SVEP1: variants seen among roughly 807,000 people sequenced by gnomAD.
The protein encoded by SVEP1 is sushi, von Willebrand factor type A, EGF and pentraxin domain containing 1.
In SVEP1, 164 loss-of-function variants were observed where a neutral mutation model predicts 367.3. The ratio of observed to expected loss-of-function variants is 0.45; its 90% CI spans 0.39 to 0.51. The LOEUF (loss-of-function observed/expected upper bound fraction) is 0.51. Ranked by LOEUF, SVEP1 falls within the 20% of genes least tolerant of loss-of-function variation. SVEP1 has a pLI of 0.00. For synonymous variants in SVEP1, 1,666 were observed against 1,611.6 expected (o/e 1.03, Z -0.81); for missense variants, 4,117 against 4,425.3 (o/e 0.93, Z 1.98).
chr9:110,400,011 G>A (rs1827831968), intron 40 of SVEP1, among the ~76,000 whole-genome samples: 1 of 152,164 alleles, frequency 6.6e-6, no homozygotes, highest in Non-Finnish European at 1.5e-5. Context: ...CAGAGACCTA[G>A]GTGCTGCGGA....
Position 110,513,821 on chromosome 9 carries a change from CA to C in SVEP1, c.1123+126del, listed in dbSNP as rs1453522164. ...ATAAAAGCAAATCATCCCACTCCCCCAAAAAATATGATTAGAGAAAAGAACA... is the reference window on the plus strand; with the variant it reads ...ATAAAAGCAAATCATCCCACTCCCCCAAAAATATGATTAGAGAAAAGAACA... On this transcript the variant is annotated intron_variant, in intron 4 of 47. Transcript: ENST00000374469. 1.5e-5 allele frequency: 18 copies of C among 1,169,776 alleles called. No homozygotes were observed. The African/African-American group carries it at 1.6e-4, about 10-fold the overall frequency. 72.5% of individuals were successfully genotyped at this position (1,169,776 alleles called of 1,614,324 possible).
rs564080859 is a variant in SVEP1 at position 110,483,641 on chromosome 9, G to A, written c.1983C>T (p.Val661=). The part of the protein sequence containing the change: ...DWCRSPPPVQ[V]SEKVHAASWD... ...AGCTTGCGGCATGTACCTTCTCCGAGACCTGGACGGGAGGTGGAGATCTGC... is the reference window on the plus strand; with the variant it reads ...AGCTTGCGGCATGTACCTTCTCCGAAACCTGGACGGGAGGTGGAGATCTGC... The change falls in exon 10 of 48, where the codon GTC becomes GTT. Residue 661 remains valine (V), a synonymous_variant. Transcript: ENST00000374469. The A allele has an allele frequency of 1.7e-5, 28 of 1,611,852 alleles. No homozygotes were observed. The highest frequency in any genetic ancestry group is 2.4e-5 in the Non-Finnish European group (28 of 1,178,922).
chr9:110,453,616 C>A (rs1362997759), intron 22 of SVEP1, among the ~76,000 whole-genome samples: 1 of 151,876 alleles, frequency 6.6e-6, no homozygotes, highest in Admixed American at 6.6e-5. Flanking sequence ...GCCTGTAATC[C>A]CAGCACTTTG....
intron 1 of SVEP1, among the ~76,000 whole-genome samples, chr9:110,554,827 C>T (rs976233742): frequency 4.6e-5 from 7 of 151,676 alleles, no homozygotes; most frequent in African/African-American, 1.7e-4. Context: ...ATACTTGGAA[C>T]AAAGTGAAAT....
intron 2 of SVEP1, among the ~76,000 whole-genome samples, chr9:110,548,348 T>C (rs1185026326): frequency 6.6e-6 from 1 of 152,162 alleles, no homozygotes; most frequent in Non-Finnish European, 1.5e-5. Context: ...ATAATGATAA[T>C]TTGTTAATAA....
intron 13 of SVEP1, among the ~76,000 whole-genome samples, chr9:110,479,352 A>T (rs115435355): frequency 6.6e-6 from 1 of 152,112 alleles, no homozygotes; most frequent in East Asian, 1.9e-4. Flanking sequence ...AATGTTTGGC[A>T]TTTTTGTCAA....
chr9:110,571,468 C>T (rs572794405), intron 1 of SVEP1, among the ~76,000 whole-genome samples: 59 of 152,256 alleles, frequency 3.9e-4, no homozygotes, highest in South Asian at 1.7e-3. Flanking sequence ...GTAGGAGCTC[C>T]AGTAGCCAAC....
At chr9:110,428,116 C>T (rs191278181) in intron 35 of SVEP1, among the ~76,000 whole-genome samples, 1 of 152,134 alleles carries the variant, frequency 6.6e-6, no homozygotes, top group Non-Finnish European at 1.5e-5. Context: ...GAAAGACACT[C>T]ACCTAAGTAG....
rs556890570 is a variant in SVEP1, at chr9:110,428,898, C to T, written c.5807+245G>A. ...CTAGTCTGGACAAAATGGCGAAACC[C>T]ACATCTGTACAAAATACAAAAATTA... On this transcript the variant is annotated intron_variant, in intron 35 of 47. Transcript: ENST00000374469. 1.9e-4 allele frequency among the ~76,000 whole-genome samples: 29 copies of T among 152,190 alleles called. No homozygotes were observed. The South Asian group carries it at 5.0e-3, about 26-fold the overall frequency.
At chr9:110,403,369 ATCTCGGTTCAC>A (rs893959988) in intron 39 of SVEP1, among the ~76,000 whole-genome samples, 2 of 129,844 alleles carry the variant, frequency 1.5e-5, no homozygotes, top group African/African-American at 6.1e-5. Flanking sequence ...CAGTGGCGCA[ATCTCGGTTCAC>A]TGCAACCTCC....
At chr9:110,482,061 G>A (rs927290652) in intron 11 of SVEP1, among the ~76,000 whole-genome samples, 1 of 152,100 alleles carries the variant, frequency 6.6e-6, no homozygotes, top group African/African-American at 2.4e-5. Flanking sequence ...ATAACATTGT[G>A]CAGCAAATAT....
intron 23 of SVEP1, 59 bp downstream of exon 23, chr9:110,451,230 C>G: frequency 2.2e-6 from 3 of 1,334,156 alleles, no homozygotes; most frequent in Non-Finnish European, 3.2e-6. Flanking sequence ...AAGAAATGTA[C>G]TAATTTGTGG....
intron 8 of SVEP1, among the ~76,000 whole-genome samples, chr9:110,494,778 A>G (rs1372641646): frequency 8.5e-6 from 1 of 118,260 alleles, no homozygotes; most frequent in African/African-American, 3.1e-5. Flanking sequence ...AATTGTCTAA[A>G]CTGCCTTCTC....
At position 110,450,178 on chromosome 9, in the gene SVEP1, T is replaced by G. The variant is rs1421381085; in HGVS notation, c.3984A>C (p.Gly1328=). The G allele has an allele frequency of 6.2e-7, 1 of 1,613,830 alleles. No individual in the cohort carries two copies. Among genetic ancestry groups the G allele is most frequent in the Admixed American group, 1.7e-5 (1 of 60,000 alleles). Residue 1328 remains glycine (G), a synonymous_variant, in exon 24 of 48, where the codon GGA becomes GGC. Transcript: ENST00000374469. The part of the protein sequence containing the change: ...NNAVCEDQVG[G]FLCKCPPGFL... ...ATCCAGGTGGGCATTTGCACAAGAA[T>G]CCCCCAACCTGGTCTTCACAGACTG... is the stretch of plus-strand genomic sequence containing the variant.
chr9:110,507,580 C>A (rs72748888), intron 5 of SVEP1, among the ~76,000 whole-genome samples: 2,592 of 152,226 alleles, frequency 0.017, 36 homozygotes, highest in Non-Finnish European at 0.029. Context: ...ATGGCTTGGA[C>A]CAAAGTCAAG....
chr9:110,436,313 G>T, intron 28 of SVEP1, 67 bp downstream of exon 28: 1 of 1,588,922 alleles, frequency 6.3e-7, no homozygotes. Flanking sequence ...TCATTAGGCT[G>T]TTCACATTTT....
At chr9:110,526,765 C>T (rs1293147464) in intron 3 of SVEP1, among the ~76,000 whole-genome samples, 1 of 152,018 alleles carries the variant, frequency 6.6e-6, no homozygotes, top group African/African-American at 2.4e-5. Context: ...AAGCCAAAAC[C>T]TGGAAACAAT....
Position 110,447,068 on chromosome 9 carries a change from A to G in SVEP1, c.4104-11T>C. 1 of 1,473,602 alleles carries G rather than the reference A, an allele frequency of 6.8e-7. No individual in the cohort carries two copies. Among genetic ancestry groups the G allele is most frequent in the South Asian group, 1.4e-5 (1 of 69,570 alleles). The allele number at this position is 1,473,602 out of a possible 1,614,324, so 91.3% of individuals were successfully genotyped here. A position where few individuals can be genotyped will look rare whatever the true frequency, so the allele number is the denominator to read the frequency against. The stretch of plus-strand genomic sequence containing the variant: ...GCTGCACACAGGCATCTGAAAGAAA[A>G]CAAAATGTTGTAACAATTAGAACAG... On this transcript the variant is annotated splice_polypyrimidine_tract_variant and intron_variant, in intron 24 of 47. Transcript: ENST00000374469.
intron 1 of SVEP1, among the ~76,000 whole-genome samples, chr9:110,550,528 GTCT>G (rs1830273632): frequency 7.9e-6 from 1 of 127,250 alleles, no homozygotes. Flanking sequence ...CTATCTATCT[GTCT>G]ATCATCTCTA....
Sources: allele counts gnomAD v4.1 joint callset (sites outside exome capture counted in the v4.1 genomes callset), GRCh38; gene constraint gnomAD v4.1.1; transcripts MANE v1.5; gene names NCBI Gene and HGNC (gene_info 2026-07-23, HGNC 2026-07-21).